Variants in PLTP observed in about 807,000 individuals in gnomAD.
The protein encoded by PLTP is phospholipid transfer protein.
A neutral mutation model predicts 54.1 loss-of-function variants in PLTP; 43 were observed. The observed-to-expected ratio is 0.79, with a 90% CI of 0.62 to 1.02. PLTP has a LOEUF of 1.02. Among genes scored for constraint, PLTP ranks in the 50% least tolerant of loss-of-function variants. The pLI is 0.00. For synonymous variants in PLTP, 263 were observed against 264.6 expected (o/e 0.99, Z 0.06); for missense variants, 604 against 645.9 (o/e 0.94, Z 0.70).
rs2083255976 is a variant in PLTP at position 45,907,837 on chromosome 20, A to G, written c.549+4T>C. On this transcript the variant is annotated splice_donor_region_variant and intron_variant, in intron 6 of 15. Transcript: ENST00000372431. ...GCCACCCTGCGACCTGTCGCTGCCC[A>G]CACCTGCTGGTTGAGGAGGAAGCGC... 1.2e-6 allele frequency: 2 copies of G among 1,602,714 alleles called. No homozygotes were observed. Among genetic ancestry groups the G allele is most frequent in the Non-Finnish European group, 1.7e-6 (2 of 1,175,304 alleles).
intron 5 of PLTP, among the ~76,000 whole-genome samples, chr20:45,909,289 C>T (rs1237652635): frequency 6.6e-6 from 1 of 150,712 alleles, no homozygotes; most frequent in African/African-American, 2.5e-5. Flanking sequence ...TTACATATAC[C>T]AACACAAATA....
chr20:45,902,410 A>G, intron 11 of PLTP, 30 bp downstream of exon 11: 1 of 1,614,140 alleles, frequency 6.2e-7, no homozygotes. Context: ...CCTGACCCCC[A>G]GCCAGCAGCC....
chr20:45,910,061 G>T lies in PLTP; in HGVS notation c.210C>A (p.Val70=). Residue 70 remains valine, a synonymous_variant, in exon 4 of 16, where the codon GTC becomes GTA. Coordinates refer to ENST00000372431, the MANE Select transcript of PLTP (RefSeq NM_006227.4). ...CGGAAGATGTCAGTTGCAGCTCTGT[G>T]ACCTTCACCCTACAGGAGGCCTCAG... ...HFYYNISEVK[V]TELQLTSSEL... The T allele has an allele frequency of 6.2e-7, 1 of 1,613,954 alleles. No individual in the cohort carries two copies. Among genetic ancestry groups the T allele is most frequent in the South Asian group, 1.1e-5 (1 of 91,014 alleles).
Position 45,904,979 on chromosome 20 carries a change from C to T in PLTP, c.845G>A (p.Arg282Gln), listed in dbSNP as rs56126980. The change falls in exon 9 of 16, where the codon CGG (arginine) becomes CAG (glutamine). Residue 282 changes from arginine (R) to glutamine (Q), a missense_variant. Arg to Gln is a conservative substitution (Grantham distance 43). Transcript: ENST00000372431. ...FFDSAMESYFRAGALQLLLVG... is the reference protein window; with the variant it reads ...FFDSAMESYFQAGALQLLLVG... Reference sequence around the variant, plus strand: ...CAGCAACAGCTGCAGGGCCCCCGCCCGGAAGTAGCTCTCCATGGCAGAGTC... The same window carrying T: ...CAGCAACAGCTGCAGGGCCCCCGCCTGGAAGTAGCTCTCCATGGCAGAGTC... 3,993 of 1,614,226 alleles carry T rather than the reference C, an allele frequency of 2.5e-3. 9 individuals carry two copies. The highest frequency in any genetic ancestry group is 3.0e-3 in the Non-Finnish European group (3,500 of 1,180,026).
chr20:45,899,539 C>A lies in PLTP; in HGVS notation c.1283-1G>T. ...ATCTGCACCCCACGCCAGGTCCGCTCTGTGGGTGGGAGCACCCCGCTCAGT... is the reference window on the plus strand; with the variant it reads ...ATCTGCACCCCACGCCAGGTCCGCTATGTGGGTGGGAGCACCCCGCTCAGT... On this transcript the variant is annotated splice_acceptor_variant, in intron 14 of 15. Transcript: ENST00000372431. LOFTEE classifies it high-confidence loss of function. The A allele has an allele frequency of 6.2e-7, 1 of 1,614,206 alleles. No homozygotes were observed. Among genetic ancestry groups the A allele is most frequent in the Middle Eastern group, 1.6e-4 (1 of 6,062 alleles).
At chr20:45,909,112 G>A (rs892077324) in intron 5 of PLTP, among the ~76,000 whole-genome samples, 4 of 151,632 alleles carry the variant, frequency 2.6e-5, no homozygotes, top group African/African-American at 4.8e-5. Flanking sequence ...CTACAGGCAC[G>A]TGCCACCACG....
At chr20:45,911,317 C>A (rs1017784425) in intron 2 of PLTP, 36 bp downstream of exon 2, 1 of 1,613,882 alleles carries the variant, frequency 6.2e-7, no homozygotes, top group South Asian at 1.1e-5. Flanking sequence ...CAACCCCGTC[C>A]GCTCCCGTCC....
At chr20:45,899,812 G>GGGCCCCCCCCC in intron 13 of PLTP, 24 bp downstream of exon 13, 1 of 309,344 alleles carries the variant, frequency 3.2e-6, no homozygotes, top group South Asian at 2.1e-5. Flanking sequence ...ACCCAGCCCA[G>GGGCCCCCCCCC]CCCACCCACC....
Position 45,902,353 on chromosome 20 carries a change from G to GC in PLTP, c.1108-20_1108-19insG. On this transcript the variant is annotated intron_variant, in intron 11 of 15. Coordinates refer to ENST00000372431, the MANE Select transcript of PLTP (RefSeq NM_006227.4). ...GGGCGTCCTGCAGGAACATGGGGAG[G>GC]AGGATGTTACTGACCCAGAAGGTCA... 6.2e-7 allele frequency: 1 copy of GC among 1,614,184 alleles called. No individual in the cohort carries two copies. Among genetic ancestry groups the GC allele is most frequent in the Non-Finnish European group, 8.5e-7 (1 of 1,180,012 alleles).
chr20:45,902,237 A>G, intron 12 of PLTP, 30 bp downstream of exon 12: 1 of 1,610,244 alleles, frequency 6.2e-7, no homozygotes, highest in Non-Finnish European at 8.5e-7. Flanking sequence ...TCCTCCAATC[A>G]CTGAGGTGCA....
chr20:45,906,346 C>T lies in PLTP; in HGVS notation c.627G>A (p.Val209=). ...AATAGTCAATGCCAACAAGCTCGTC[C>T]ACAGAACTGCGCACTGCAGGAAGGG... is the stretch of plus-strand genomic sequence containing the variant. ...LLDTVPVRSS[V]DELVGIDYSL... is the part of the protein sequence containing the mutation. Residue 209 remains valine (V), a synonymous_variant, in exon 8 of 16, where the codon GTG becomes GTA. Coordinates refer to ENST00000372431, the MANE Select transcript of PLTP (RefSeq NM_006227.4). 1 of 1,613,624 alleles carries T rather than the reference C, an allele frequency of 6.2e-7. No homozygotes were observed. Among genetic ancestry groups the T allele is most frequent in the Non-Finnish European group, 8.5e-7 (1 of 1,179,760 alleles).
At chr20:45,907,434 C>T (rs997933739) in intron 7 of PLTP, among the ~76,000 whole-genome samples, 4 of 152,116 alleles carry the variant, frequency 2.6e-5, no homozygotes, top group African/African-American at 7.2e-5. Flanking sequence ...CAGTGATCAG[C>T]ATGCACATAT....
intron 1 of PLTP, 170 bp from the exon 2 acceptor site, chr20:45,911,633 G>T: frequency 1.2e-6 from 1 of 863,614 alleles, no homozygotes; most frequent in Non-Finnish European, 1.8e-6. Context: ...CTGAGGCTCA[G>T]AGAGGCGATG....
At chr20:45,903,216 T>C (rs1018546745) in intron 10 of PLTP, among the ~76,000 whole-genome samples, 1 of 151,858 alleles carries the variant, frequency 6.6e-6, no homozygotes, top group South Asian at 2.1e-4. Context: ...TCTCTCCTTT[T>C]TTTTTGAGAC....
At chr20:45,903,162 A>G (rs535284121) in intron 10 of PLTP, among the ~76,000 whole-genome samples, 65 of 150,840 alleles carry the variant, frequency 4.3e-4, no homozygotes, top group Non-Finnish European at 9.1e-4. Context: ...GATTACAGGC[A>G]TGAGCCACCA....
chr20:45,901,823 C>T (rs149228041), intron 12 of PLTP, among the ~76,000 whole-genome samples: 10 of 151,180 alleles, frequency 6.6e-5, no homozygotes, highest in East Asian at 3.9e-4. Flanking sequence ...TGCCTAAACC[C>T]GGGAGGCAGA....
intron 13 of PLTP, 24 bp downstream of exon 13, chr20:45,899,812 G>GCCCCCCCCC: frequency 6.5e-6 from 2 of 309,336 alleles, no homozygotes; most frequent in Non-Finnish European, 1.2e-5. Flanking sequence ...ACCCAGCCCA[G>GCCCCCCCCC]CCCACCCACC....
At chr20:45,911,734 C>T in intron 1 of PLTP, 1 of 542,560 alleles carries the variant, frequency 1.8e-6, no homozygotes, top group Non-Finnish European at 3.3e-6. Flanking sequence ...TGAGTTTGGA[C>T]CTCCAGGGGA....
chr20:45,902,194 T>C, intron 12 of PLTP, 73 bp downstream of exon 12: 2 of 1,497,754 alleles, frequency 1.3e-6, no homozygotes, highest in South Asian at 1.2e-5. Context: ...CACTGTACTT[T>C]AAGCGCAACA....
Sources: allele counts gnomAD v4.1 joint callset (sites outside exome capture counted in the v4.1 genomes callset), GRCh38; gene constraint gnomAD v4.1.1; transcripts MANE v1.5; gene names NCBI Gene and HGNC (gene_info 2026-07-23, HGNC 2026-07-21).